The following CCDC30 variants were observed in gnomAD, a reference collection of about 807,000 sequenced individuals.
CCDC30 encodes the protein coiled-coil domain-containing protein 30.
Under a neutral mutation model 100.2 loss-of-function variants are expected in CCDC30, and 70 were observed. The ratio of observed to expected loss-of-function variants is 0.70; its 90% CI spans 0.58 to 0.85. The LOEUF (loss-of-function observed/expected upper bound fraction) is 0.85. Among genes scored for constraint, CCDC30 ranks in the 40% least tolerant of loss-of-function variants. The pLI is 0.00. For missense variants in CCDC30, 652 were observed against 771.2 expected, an observed-to-expected ratio of 0.85 and a Z score of 1.83; for synonymous variants, 233 against 269.5, an observed-to-expected ratio of 0.86 and a Z score of 1.33.
At chr1:42,496,122 A>AGTGTGTGT (rs56267063) in intron 4 of CCDC30, among the ~76,000 whole-genome samples, 2 of 147,302 alleles carry the variant, frequency 1.4e-5, no homozygotes, top group African/African-American at 5.0e-5. Context: ...TTATTTGTGG[A>AGTGTGTGT]GTGTGTGTGT....
At chr1:42,587,083 G>A (rs1440874950) in intron 9 of CCDC30, among the ~76,000 whole-genome samples, 3 of 152,092 alleles carry the variant, frequency 2.0e-5, no homozygotes, top group Non-Finnish European at 2.9e-5. Flanking sequence ...CTGCAGCCTT[G>A]ACCTCCCAGG....
intron 6 of CCDC30, among the ~76,000 whole-genome samples, chr1:42,551,076 T>C (rs1304237753): frequency 6.6e-6 from 1 of 152,158 alleles, no homozygotes; most frequent in Non-Finnish European, 1.5e-5. Context: ...GCCTTGCAGG[T>C]TTTCAAAATG....
intron 6 of CCDC30, among the ~76,000 whole-genome samples, chr1:42,547,601 T>C (rs996334902): frequency 2.0e-5 from 3 of 152,222 alleles, no homozygotes; most frequent in African/African-American, 7.2e-5. Context: ...TAAGAGCTCC[T>C]TGATGCCACC....
At chr1:42,602,602 T>C (rs750755552) in intron 10 of CCDC30, among the ~76,000 whole-genome samples, 2 of 152,134 alleles carry the variant, frequency 1.3e-5, no homozygotes, top group African/African-American at 4.8e-5. Context: ...CAAGAAGAAA[T>C]AGACAATTGA....
intron 6 of CCDC30, among the ~76,000 whole-genome samples, chr1:42,549,133 A>G (rs571198909): frequency 6.6e-6 from 1 of 152,286 alleles, no homozygotes; most frequent in East Asian, 1.9e-4. Flanking sequence ...ATTACCTTGT[A>G]AGATGAGGAA....
At chr1:42,597,837 C>T (rs1422889145) in intron 10 of CCDC30, among the ~76,000 whole-genome samples, 3 of 149,526 alleles carry the variant, frequency 2.0e-5, no homozygotes. Context: ...TGCATTCCAG[C>T]CTAGGGGACA....
chr1:42,613,363 T>G (rs1404613565), intron 11 of CCDC30, among the ~76,000 whole-genome samples: 2 of 152,206 alleles, frequency 1.3e-5, no homozygotes, highest in Non-Finnish European at 2.9e-5. Context: ...CACGCCATTC[T>G]CCTGGCTCAG....
chr1:42,574,694 A>G (rs1019545558), intron 7 of CCDC30, among the ~76,000 whole-genome samples: 2 of 152,208 alleles, frequency 1.3e-5, no homozygotes, highest in African/African-American at 4.8e-5. Flanking sequence ...GAAAATCTAT[A>G]TTCAGACCTT....
At chr1:42,566,253 CT>C in intron 6 of CCDC30, 42 bp from the exon 11 acceptor site, 1 of 1,476,766 alleles carries the variant, frequency 6.8e-7, no homozygotes, top group Non-Finnish European at 9.4e-7. Flanking sequence ...TACCAATATT[CT>C]TTCCAATTGT....
At chr1:42,536,896 T>C in intron 6 of CCDC30, 1 of 375,592 alleles carries the variant, frequency 2.7e-6, no homozygotes. Flanking sequence ...CTCTGGTGTC[T>C]CTTCCTCTTC....
At chr1:42,613,529 C>T (rs1423767511) in intron 11 of CCDC30, among the ~76,000 whole-genome samples, 3 of 152,220 alleles carry the variant, frequency 2.0e-5, no homozygotes, top group Non-Finnish European at 2.9e-5. Context: ...GCTGGGATTA[C>T]AGGCGTGAGC....
intron 10 of CCDC30, among the ~76,000 whole-genome samples, chr1:42,598,130 G>A (rs987274516): frequency 8.5e-5 from 13 of 152,062 alleles, no homozygotes. Context: ...TTGTGCCACT[G>A]CATTCTGGCC....
intron 6 of CCDC30, among the ~76,000 whole-genome samples, chr1:42,556,931 C>T (rs985294281): frequency 6.6e-6 from 1 of 152,100 alleles, no homozygotes; most frequent in Non-Finnish European, 1.5e-5. Context: ...GAGGAAAATA[C>T]GACAGACATT....
chr1:42,646,297 T>C, exon 15 of CCDC30: 2 of 1,541,428 alleles, frequency 1.3e-6, no homozygotes, highest in Non-Finnish European at 1.8e-6. Context: ...CACAGAGAAG[T>C]GGAAACACTC....
At chr1:42,495,286 C>T (rs1052010734) in intron 4 of CCDC30, among the ~76,000 whole-genome samples, 6 of 151,504 alleles carry the variant, frequency 4.0e-5, no homozygotes, top group Admixed American at 2.6e-4. Flanking sequence ...TATTCTCACT[C>T]ATAGGTGGGA....
intron 11 of CCDC30, among the ~76,000 whole-genome samples, chr1:42,629,377 T>G (rs1053292804): frequency 2.6e-5 from 4 of 152,252 alleles, no homozygotes; most frequent in Admixed American, 2.6e-4. Flanking sequence ...AGGTTTCCAC[T>G]GAAAAGTCTG....
chr1:42,503,143 C>G (rs759479476), intron 6 of CCDC30, among the ~76,000 whole-genome samples: 17 of 152,118 alleles, frequency 1.1e-4, no homozygotes, highest in Non-Finnish European at 2.1e-4. Flanking sequence ...CTTGGCCTCC[C>G]AAAATGCTGG....
At chr1:42,638,125 A>G (rs1266817202) in intron 12 of CCDC30, among the ~76,000 whole-genome samples, 1 of 152,222 alleles carries the variant, frequency 6.6e-6, no homozygotes, top group Non-Finnish European at 1.5e-5. Context: ...CTAGGTCAAG[A>G]ATTCCCAGAC....
chr1:42,463,984 A>T (rs1643487710), intron 1 of CCDC30, 86 bp downstream of exon 1: 1 of 152,094 alleles, frequency 6.6e-6, no homozygotes, highest in Admixed American at 6.6e-5. Context: ...TGCTTATTTC[A>T]CAGCCATTTT....
Sources: allele counts gnomAD v4.1 joint callset (sites outside exome capture counted in the v4.1 genomes callset), GRCh38; gene constraint gnomAD v4.1.1; transcripts MANE v1.5; gene names NCBI Gene and HGNC (gene_info 2026-07-23, HGNC 2026-07-21).